The following SETD1B variants were observed in gnomAD, a reference collection of about 807,000 sequenced individuals.
The protein encoded by SETD1B is SET domain containing 1B, histone lysine methyltransferase.
Under a neutral mutation model 148.0 loss-of-function variants are expected in SETD1B, and 7 were observed. The ratio of observed to expected loss-of-function variants is 0.05; its 90% CI spans 0.03 to 0.09. The LOEUF (loss-of-function observed/expected upper bound fraction) is 0.09. SETD1B is among the 10% of genes least tolerant of loss of function. The probability of loss-of-function intolerance (pLI) is 1.00; values close to 1 mark genes in which losing one functional copy is unlikely to be tolerated. For missense variants in SETD1B, 2,155 were observed against 2,729.9 expected (o/e 0.79, Z 4.69); for synonymous variants, 1,361 against 1,186.5 (o/e 1.15, Z -3.02).
At chr12:121,815,074 T>G in intron 7 of SETD1B, 144 bp downstream of exon 7, 1 of 780,118 alleles carries the variant, frequency 1.3e-6, no homozygotes, top group Non-Finnish European at 2.0e-6. Context: ...GTGGCCACTT[T>G]CAAAGTTCCG....
intron 10 of SETD1B, among the ~76,000 whole-genome samples, chr12:121,819,199 G>T (rs1006419048): frequency 2.6e-5 from 4 of 152,122 alleles, no homozygotes; most frequent in African/African-American, 9.7e-5. Context: ...AGCCGAGATC[G>T]TGCCACTGCA....
chr12:121,793,639 G>A, the SETD1B span: 2 of 1,533,046 alleles, frequency 1.3e-6, no homozygotes, highest in African/African-American at 1.4e-5. Flanking sequence ...TCCATTGCCC[G>A]GAGCCCGCAG....
At chr12:121,793,561 C>A in the SETD1B span, 5 of 1,551,526 alleles carry the variant, frequency 3.2e-6, no homozygotes, top group Non-Finnish European at 4.3e-6. Flanking sequence ...CCGTCGCCCA[C>A]GATCACGATC....
chr12:121,798,963 T>TA, the SETD1B span, among the ~76,000 whole-genome samples: 1 of 152,238 alleles, frequency 6.6e-6, no homozygotes, highest in Non-Finnish European at 1.5e-5. Flanking sequence ...CCCCAGGTGT[T>TA]ACCAGGCTAG....
At chr12:121,803,102 G>A (rs952287190), upstream of SETD1B, 6 of 151,840 alleles carry the variant, frequency 4.0e-5, no homozygotes, top group African/African-American at 1.5e-4. This position sits in a 1 kb window ranked among gnomAD's most constrained non-coding sequence, Gnocchi z 4.7. Context: ...CACCAGCTCC[G>A]AGCCCCGGCG....
At chr12:121,819,270 A>G in intron 10 of SETD1B, 134 bp from the exon 11 acceptor site, 2 of 1,454,344 alleles carry the variant, frequency 1.4e-6, no homozygotes, top group Non-Finnish European at 1.8e-6. Flanking sequence ...CCTAGTGAAC[A>G]CATGCCCCAC....
chr12:121,799,731 T>TGGGGGGGGGGGG (rs1308261766), upstream of SETD1B: 10 of 31,726 alleles, frequency 3.2e-4, no homozygotes, highest in Non-Finnish European at 4.1e-4. Flanking sequence ...GGGGGGGGGG[T>TGGGGGGGGGGGG]GGGGTGGGGC....
rs563049668 is a variant in SETD1B, at chr12:121,814,816, G to T, written c.2601G>T (p.Val867=). Residue 867 remains valine, a synonymous_variant, in exon 7 of 17, where the codon GTG becomes GTT. Coordinates refer to ENST00000604567, the MANE Select transcript of SETD1B (RefSeq NM_001353345.2). ...HKATVDGVLL[V]VLKELKAIMK... is the part of the protein sequence containing the mutation. ...CCACGGTGGATGGCGTCCTGCTGGTGGTCCTCAAAGAACTCAAGGCCATCA... is the reference window on the plus strand; with the variant it reads ...CCACGGTGGATGGCGTCCTGCTGGTTGTCCTCAAAGAACTCAAGGCCATCA... 1.3e-6 allele frequency: 2 copies of T among 1,551,644 alleles called. No individual in the cohort carries two copies. Among genetic ancestry groups the T allele is most frequent in the East Asian group, 2.4e-5 (1 of 40,914 alleles).
Position 121,805,292 on chromosome 12 carries a change from GC to G in SETD1B, c.273+79del. 7.9e-7 allele frequency: 1 copy of G among 1,263,148 alleles called. No homozygotes were observed. Among genetic ancestry groups the G allele is most frequent in the Non-Finnish European group, 1.1e-6 (1 of 898,034 alleles). The allele number at this position is 1,263,148 out of a possible 1,614,324, so 78.2% of individuals were successfully genotyped here. On this transcript the variant is annotated intron_variant, in intron 3 of 16. Coordinates refer to ENST00000604567, the MANE Select transcript of SETD1B (RefSeq NM_001353345.2). This position sits in a 1 kb window ranked among gnomAD's most constrained non-coding sequence, Gnocchi z 4.2. ...CGAAAATAACGCCAGTCCTGACCGA[GC>G]CCAGCCGGATTCCCAGTTCCCGCCG...
Position 121,804,576 on chromosome 12 carries a change from T to TG in SETD1B, c.-14-142dup, listed in dbSNP as rs1457963642. 1.6e-6 allele frequency: 1 copy of TG among 614,914 alleles called. No homozygotes were observed. The highest frequency in any genetic ancestry group is 3.5e-5 in the Admixed American group (1 of 28,604). The allele number at this position is 614,914 out of a possible 1,614,324, so 38.1% of individuals were successfully genotyped here. ...TTATTCTCTCGCTCCATTCTTGTTTTGGGGGGAGCCAGCGAGACAGCTCCT... is the reference window on the plus strand; with the variant it reads ...TTATTCTCTCGCTCCATTCTTGTTTTGGGGGGGAGCCAGCGAGACAGCTCCT... On this transcript the variant is annotated intron_variant, in intron 1 of 16. Coordinates refer to ENST00000604567, the MANE Select transcript of SETD1B (RefSeq NM_001353345.2). The surrounding 1 kb of genome is among the most constrained non-coding windows in gnomAD (Gnocchi z 4.6).
chr12:121,791,728 C>A, the SETD1B span, among the ~76,000 whole-genome samples: 1 of 152,216 alleles, frequency 6.6e-6, no homozygotes. Flanking sequence ...GGAGGCTGCC[C>A]TGAACAGTGA....
At chr12:121,822,428 A>T in intron 11 of SETD1B, 62 bp from the exon 12 acceptor site, 1 of 1,473,424 alleles carries the variant, frequency 6.8e-7, no homozygotes, top group Non-Finnish European at 9.1e-7. Flanking sequence ...AGCACAAAAT[A>T]AGGCACTGAG....
At position 121,831,397 on chromosome 12, in the gene SETD1B, G is replaced by T. The variant is rs1038857146; in HGVS notation, c.*1158G>T. 4 of 150,230 alleles carry T rather than the reference G, an allele frequency of 2.7e-5. No individual in the cohort carries two copies. Among genetic ancestry groups the T allele is most frequent in the Admixed American group, 6.6e-5 (1 of 15,052 alleles). The allele number at this position is 150,230 out of a possible 1,614,324, so 9.3% of individuals were successfully genotyped here. ...AAAAACACAAATCTAAGCCTTGACG[G>T]TTTTTTTTTCCCTTTTGACCCCCTT... On this transcript the variant is annotated 3_prime_UTR_variant, in exon 17 of 17. Transcript: ENST00000604567.
At chr12:121,809,336 A>T (rs1458684816) in intron 5 of SETD1B, among the ~76,000 whole-genome samples, 3 of 152,186 alleles carry the variant, frequency 2.0e-5, no homozygotes, top group Non-Finnish European at 2.9e-5. Flanking sequence ...CTAAACCAAG[A>T]TGTTACAGTC....
rs748193938 is a variant in SETD1B, at chr12:121,819,540, AGAGGAGGAAGAAGAGGAG to A, written c.3564_3581del (p.Glu1189_Glu1194del). On this transcript the variant is annotated inframe_deletion, in exon 11 of 17. Transcript: ENST00000604567. ...ATGAGGAGGAGGTAGTGGCCAGGGA[AGAGGAGGAAGAAGAGGAG>A]GAGGAGGAGATGGTGGCCGAGGAAA... is the stretch of plus-strand genomic sequence containing the variant. 3 of 1,551,300 alleles carry A rather than the reference AGAGGAGGAAGAAGAGGAG, an allele frequency of 1.9e-6. No individual in the cohort carries two copies. The South Asian group carries it at 3.6e-5, about 18-fold the overall frequency.
intron 11 of SETD1B, among the ~76,000 whole-genome samples, chr12:121,820,596 C>G (rs1164853450): frequency 6.6e-6 from 1 of 152,120 alleles, no homozygotes; most frequent in Admixed American, 6.5e-5. Flanking sequence ...TGCAGTGGCA[C>G]GATCTCGGCT....
chr12:121,822,756 A>T lies in SETD1B; in HGVS notation c.4177A>T (p.Ser1393Cys), dbSNP rs1876626969. The change falls in exon 12 of 17, where the codon AGC (serine) becomes TGC (cysteine). Residue 1393 changes from serine (S) to cysteine (C), a missense_variant. Ser to Cys is a moderately radical substitution (Grantham distance 112, BLOSUM62 -1). This residue lies in a region of SETD1B where 862 missense variants were observed against 873.8 expected (regional missense o/e 0.99). Transcript: ENST00000604567. The stretch of plus-strand genomic sequence containing the variant: ...CGGGGAGCCCCCGCTATCAGGGGGC[A>T]GCAGTGGCCTGTCCCTGAGCTCTCC... The part of the protein sequence containing the change: ...PGGEPPLSGG[S>C]SGLSLSSPQV... 2.6e-6 allele frequency: 4 copies of T among 1,516,200 alleles called. No individual in the cohort carries two copies. Among genetic ancestry groups the T allele is most frequent in the Non-Finnish European group, 3.6e-6 (4 of 1,124,692 alleles). 93.9% of individuals were successfully genotyped at this position (1,516,200 alleles called of 1,614,324 possible).
chr12:121,793,621 C>T, the SETD1B span: 34 of 1,543,410 alleles, frequency 2.2e-5, no homozygotes, highest in Non-Finnish European at 2.8e-5. Context: ...GCCAGGGCCC[C>T]GGGGGCATCC....
chr12:121,822,819 T>C lies in SETD1B; in HGVS notation c.4240T>C (p.Ser1414Pro). The C allele has an allele frequency of 6.7e-7, 1 of 1,498,996 alleles. No individual in the cohort carries two copies. The highest frequency in any genetic ancestry group is 8.9e-7 in the Non-Finnish European group (1 of 1,118,098). 92.9% of individuals were successfully genotyped at this position (1,498,996 alleles called of 1,614,324 possible). The change falls in exon 12 of 17, where the codon TCC (serine) becomes CCC (proline). Residue 1414 changes from serine to proline, a missense_variant. Physicochemically the swap from Ser to Pro is moderately conservative, Grantham distance 74. This residue lies in a region of SETD1B where 862 missense variants were observed against 873.8 expected (regional missense o/e 0.99). Transcript: ENST00000604567. ...CAGCCCCTTCTCCTACCCAGCCCCG[T>C]CCCCTAGCTTGAGCAGTGGGGGCCT... ...PGSPFSYPAP[S>P]PSLSSGGLPR...
Sources: allele counts gnomAD v4.1 joint callset (sites outside exome capture counted in the v4.1 genomes callset), GRCh38; gene constraint gnomAD v4.1.1; regional missense constraint gnomAD v4.1.1; non-coding constraint Gnocchi (gnomAD v3.1); transcripts MANE v1.5; gene names NCBI Gene and HGNC (gene_info 2026-07-23, HGNC 2026-07-21).